Variants in ROBO2 observed in about 807,000 individuals in gnomAD.
The protein encoded by ROBO2 is roundabout guidance receptor 2, also known as roundabout homolog 2.
A neutral mutation model predicts 160.8 loss-of-function variants in ROBO2; 53 were observed. That is an observed-to-expected ratio of 0.33 (90% CI 0.26 to 0.41). ROBO2 has a LOEUF of 0.41. Ranked by LOEUF, ROBO2 falls within the 10% of genes least tolerant of loss-of-function variation. The pLI is 1.00. For missense variants in ROBO2, 1,577 were observed against 1,722.4 expected (o/e 0.92, Z 1.49); for synonymous variants, 664 against 611.7 (o/e 1.09, Z -1.26).
At chr3:77,624,757 A>C (rs4684016) in intron 23 of ROBO2, among the ~76,000 whole-genome samples, 1 of 152,002 alleles carries the variant, frequency 6.6e-6, no homozygotes, top group African/African-American at 2.4e-5. Flanking sequence ...TCCCCCTGAA[A>C]TGCTGTTAGT....
At chr3:77,335,982 T>G (rs1177465786) in intron 2 of ROBO2, among the ~76,000 whole-genome samples, 2 of 152,184 alleles carry the variant, frequency 1.3e-5, no homozygotes, top group Non-Finnish European at 2.9e-5. Context: ...TGCAAGGTAC[T>G]GTAAGAACAA....
intron 2 of ROBO2, among the ~76,000 whole-genome samples, chr3:77,319,561 A>T (rs879511655): frequency 3.3e-5 from 5 of 152,180 alleles, no homozygotes; most frequent in Admixed American, 2.6e-4. Context: ...TTTATACTAC[A>T]ATTGAGTGTG....
At chr3:76,134,225 A>C (rs1419235380) in intron 2 of ROBO2, among the ~76,000 whole-genome samples, 1 of 152,060 alleles carries the variant, frequency 6.6e-6, no homozygotes, top group East Asian at 1.9e-4. Flanking sequence ...GGAATTTCTC[A>C]TGGCACTCTC....
intron 2 of ROBO2, among the ~76,000 whole-genome samples, chr3:76,686,011 A>G (rs760429390): frequency 3.3e-5 from 5 of 152,086 alleles, no homozygotes; most frequent in African/African-American, 4.8e-5. Flanking sequence ...AGCGACGGTG[A>G]ATCACCCTCT....
At chr3:77,299,180 T>C (rs376516453) in intron 2 of ROBO2, among the ~76,000 whole-genome samples, 5 of 152,144 alleles carry the variant, frequency 3.3e-5, no homozygotes, top group African/African-American at 4.8e-5. Context: ...TAAGTTGAGA[T>C]GGCAAGTTGG....
At chr3:75,914,943 C>G (rs1420106606) in intron 1 of ROBO2, among the ~76,000 whole-genome samples, 14 of 152,166 alleles carry the variant, frequency 9.2e-5, no homozygotes, top group Non-Finnish European at 2.9e-5. Flanking sequence ...GCCAGCTGTT[C>G]CTTTTGCCCA....
At chr3:76,722,395 C>G (rs1422368545) in intron 2 of ROBO2, among the ~76,000 whole-genome samples, 1 of 152,100 alleles carries the variant, frequency 6.6e-6, no homozygotes, top group Non-Finnish European at 1.5e-5. Context: ...GCTAGGACTA[C>G]AGGCGTGAAC....
chr3:77,469,380 G>T (rs1375660411), intron 2 of ROBO2, among the ~76,000 whole-genome samples: 1 of 151,882 alleles, frequency 6.6e-6, no homozygotes, highest in Non-Finnish European at 1.5e-5. Flanking sequence ...TCCAGGAAGA[G>T]ATAGGGTGCT....
At chr3:76,159,995 CGTT>C (rs1486029637) in intron 2 of ROBO2, among the ~76,000 whole-genome samples, 1 of 152,096 alleles carries the variant, frequency 6.6e-6, no homozygotes, top group Non-Finnish European at 1.5e-5. Context: ...GAGCCAGGAA[CGTT>C]GTTGTGGTGG....
intron 5 of ROBO2, among the ~76,000 whole-genome samples, chr3:77,499,916 G>A (rs1219011590): frequency 2.0e-5 from 3 of 152,028 alleles, no homozygotes; most frequent in Admixed American, 6.6e-5. Context: ...CAAACTGCTG[G>A]GATTACAGGT....
At chr3:77,204,586 C>T (rs2083238386) in intron 2 of ROBO2, among the ~76,000 whole-genome samples, 1 of 152,018 alleles carries the variant, frequency 6.6e-6, no homozygotes, top group South Asian at 2.1e-4. Flanking sequence ...ACTTCTAGGC[C>T]TCCCTTCATT....
chr3:77,580,172 G>A (rs1285959446), intron 16 of ROBO2, 54 bp downstream of exon 17: 4 of 1,564,126 alleles, frequency 2.6e-6, no homozygotes, highest in East Asian at 2.2e-5. Flanking sequence ...TGACAAGGTG[G>A]ATGATGATTT....
chr3:76,518,732 C>T (rs2081459764), intron 2 of ROBO2, among the ~76,000 whole-genome samples: 2 of 152,000 alleles, frequency 1.3e-5, no homozygotes, highest in Non-Finnish European at 2.9e-5. Flanking sequence ...TCATCATGTT[C>T]TCTTTGAATT....
intron 2 of ROBO2, among the ~76,000 whole-genome samples, chr3:76,553,847 C>T (rs540577895): frequency 3.9e-5 from 6 of 152,248 alleles, no homozygotes; most frequent in East Asian, 3.9e-4. Context: ...AATTGTGTAT[C>T]AGCCCACCAT....
intron 1 of ROBO2, among the ~76,000 whole-genome samples, chr3:77,064,631 C>T (rs569731880): frequency 1.3e-5 from 2 of 152,178 alleles, no homozygotes; most frequent in East Asian, 1.9e-4. Flanking sequence ...AAAGTGCTGG[C>T]ATTAAGGTGT....
At chr3:76,928,518 C>A (rs929302571) in intron 2 of ROBO2, among the ~76,000 whole-genome samples, 13 of 151,254 alleles carry the variant, frequency 8.6e-5, no homozygotes, top group Non-Finnish European at 1.8e-4. Flanking sequence ...AATTCCTGCC[C>A]AAATCATTTT....
chr3:76,798,001 T>C (rs2063826997), intron 2 of ROBO2, among the ~76,000 whole-genome samples: 1 of 151,230 alleles, frequency 6.6e-6, no homozygotes, highest in African/African-American at 2.4e-5. Flanking sequence ...TACCAAATCC[T>C]ACCCAAATTA....
chr3:77,551,594 G>A (rs558386573), intron 8 of ROBO2, among the ~76,000 whole-genome samples: 1 of 152,148 alleles, frequency 6.6e-6, no homozygotes, highest in East Asian at 1.9e-4. Flanking sequence ...TTTTTTCCCA[G>A]CAGTTTATTT....
intron 2 of ROBO2, among the ~76,000 whole-genome samples, chr3:77,100,664 T>C (rs894854457): frequency 2.6e-5 from 4 of 152,106 alleles, no homozygotes; most frequent in Admixed American, 2.6e-4. Flanking sequence ...GGAATAGCAA[T>C]GAAGACACAT....
Sources: allele counts gnomAD v4.1 joint callset (sites outside exome capture counted in the v4.1 genomes callset), GRCh38; gene constraint gnomAD v4.1.1; transcripts MANE v1.5; gene names NCBI Gene and HGNC (gene_info 2026-07-23, HGNC 2026-07-21).